Variants in USH2A observed in about 807,000 individuals in gnomAD.
The protein encoded by USH2A is Usher syndrome 2A (autosomal recessive, mild).
Under a neutral mutation model 538.9 loss-of-function variants are expected in USH2A, and 443 were observed. That is an observed-to-expected ratio of 0.82 (90% CI 0.76 to 0.89). The LOEUF (loss-of-function observed/expected upper bound fraction) is 0.89, where lower values mean the gene tolerates loss of function less well. Ranked by LOEUF, USH2A falls within the 40% of genes least tolerant of loss-of-function variation. USH2A has a pLI of 0.00. For synonymous variants in USH2A, 2,413 were observed against 2,273.5 expected (o/e 1.06, Z -1.75); for missense variants, 6,633 against 6,324.8 (o/e 1.05, Z -1.65).
chr1:215,995,906 G>A (rs1668123686), intron 34 of USH2A, among the ~76,000 whole-genome samples: 2 of 151,960 alleles, frequency 1.3e-5, no homozygotes, highest in African/African-American at 4.8e-5. Flanking sequence ...TCCAAAACTA[G>A]CATTCTCTTT....
chr1:216,029,491 T>A (rs1669041175), intron 32 of USH2A, among the ~76,000 whole-genome samples: 1 of 152,056 alleles, frequency 6.6e-6, no homozygotes, highest in Non-Finnish European at 1.5e-5. Flanking sequence ...TATGTGTGTG[T>A]ATAGCCAGAA....
chr1:215,788,453 C>T (rs563448358), intron 51 of USH2A, among the ~76,000 whole-genome samples: 19 of 152,080 alleles, frequency 1.2e-4, no homozygotes, highest in South Asian at 2.1e-4. Context: ...TAAGGGGCTT[C>T]GGTTCTAGAG....
At chr1:216,129,677 T>C (rs1225739890) in intron 21 of USH2A, among the ~76,000 whole-genome samples, 2 of 151,984 alleles carry the variant, frequency 1.3e-5, no homozygotes, top group African/African-American at 4.8e-5. Flanking sequence ...GAAATACTAA[T>C]GAAGTTCTTT....
intron 54 of USH2A, among the ~76,000 whole-genome samples, chr1:215,780,451 GC>G (rs1661600002): frequency 6.6e-6 from 1 of 152,148 alleles, no homozygotes; most frequent in Non-Finnish European, 1.5e-5. Flanking sequence ...TGGAGCAAAA[GC>G]CACATCTGAA....
rs1259115799 is a variant in USH2A, at chr1:215,888,776, C to A, written c.7873G>T (p.Glu2625Ter). The change falls in exon 41 of 72, where the codon GAA (glutamate) becomes TAA (stop). Residue 2625 changes from glutamate to a stop codon, truncating the protein, a stop_gained. Coordinates refer to ENST00000307340, the MANE Select transcript of USH2A (RefSeq NM_206933.4). LOFTEE classifies it high-confidence loss of function. ...QTVWTLPGAP[E>*]GIPSPELFSD... ...AACAGCTCTGGACTTGGGATCCCTTCCGGTGCCCCTGGGAGTGTCCATACA... is the reference window on the plus strand; with the variant it reads ...AACAGCTCTGGACTTGGGATCCCTTACGGTGCCCCTGGGAGTGTCCATACA... The A allele has an allele frequency of 6.2e-7, 1 of 1,614,088 alleles. No homozygotes were observed. Among genetic ancestry groups the A allele is most frequent in the Non-Finnish European group, 8.5e-7 (1 of 1,180,004 alleles).
intron 3 of USH2A, among the ~76,000 whole-genome samples, chr1:216,405,284 A>G (rs573238580): frequency 6.6e-6 from 1 of 152,388 alleles, no homozygotes; most frequent in Non-Finnish European, 1.5e-5. Context: ...GGAAAGATTG[A>G]TAAATTGGAC....
intron 11 of USH2A, among the ~76,000 whole-genome samples, chr1:216,273,826 A>C (rs898628116): frequency 1.2e-3 from 185 of 151,878 alleles, no homozygotes; most frequent in Admixed American, 2.4e-3. Flanking sequence ...AAAAAAAAAA[A>C]AACAAACCAG....
At chr1:216,029,654 T>C (rs1350752802) in intron 32 of USH2A, among the ~76,000 whole-genome samples, 3 of 151,908 alleles carry the variant, frequency 2.0e-5, no homozygotes, top group African/African-American at 7.2e-5. Context: ...CCAGGATATA[T>C]AGGGTCATTG....
chr1:215,890,557 A>T (rs1457136200), intron 40 of USH2A, among the ~76,000 whole-genome samples: 1 of 152,166 alleles, frequency 6.6e-6, no homozygotes, highest in Admixed American at 6.6e-5. Flanking sequence ...ATTTGAAGAG[A>T]AATCCCTAAA....
rs138503129 is a variant in USH2A at position 216,401,857 on chromosome 1, G to T, written c.651+16657C>A. ...ATAAGCCCACAATTAAATCAGGGAC[G>T]TCAACAGCAAACTCTCAGCAATTGA... On this transcript the variant is annotated intron_variant, in intron 3 of 71. Coordinates refer to ENST00000307340, the MANE Select transcript of USH2A (RefSeq NM_206933.4). 8.4e-4 allele frequency among the ~76,000 whole-genome samples: 128 copies of T among 152,164 alleles called. 1 individual carries two copies. The highest frequency in any genetic ancestry group is 1.4e-3 in the Non-Finnish European group (93 of 67,924).
intron 41 of USH2A, among the ~76,000 whole-genome samples, chr1:215,882,684 T>C (rs1664945541): frequency 6.6e-6 from 1 of 152,132 alleles, no homozygotes; most frequent in Admixed American, 6.5e-5. Context: ...TCTCTCTTTC[T>C]CTTTTATTTT....
At chr1:216,314,730 A>G (rs1217974390) in intron 9 of USH2A, among the ~76,000 whole-genome samples, 2 of 152,222 alleles carry the variant, frequency 1.3e-5, no homozygotes, top group Non-Finnish European at 1.5e-5. Flanking sequence ...AATGCTAACA[A>G]AAATTTATAC....
At chr1:216,192,715 TA>T (rs1011697329) in intron 19 of USH2A, among the ~76,000 whole-genome samples, 1 of 151,492 alleles carries the variant, frequency 6.6e-6, no homozygotes, top group African/African-American at 2.4e-5. Context: ...GAAATAAAAA[TA>T]AAAAAGAGAA....
At chr1:216,279,583 C>A (rs972989131) in intron 11 of USH2A, among the ~76,000 whole-genome samples, 1 of 152,046 alleles carries the variant, frequency 6.6e-6, no homozygotes, top group Non-Finnish European at 1.5e-5. Context: ...GAGCCCCAAC[C>A]CCAAACTTCC....
At chr1:216,160,624 C>T (rs899159178) in intron 21 of USH2A, among the ~76,000 whole-genome samples, 9 of 151,920 alleles carry the variant, frequency 5.9e-5, no homozygotes, top group South Asian at 2.1e-4. Context: ...AAAAATTATG[C>T]GATTTCTATA....
intron 4 of USH2A, among the ~76,000 whole-genome samples, chr1:216,363,964 C>T (rs1378153426): frequency 6.6e-6 from 1 of 151,346 alleles, no homozygotes; most frequent in Non-Finnish European, 1.5e-5. Flanking sequence ...ATATCTATCT[C>T]TGAAGATAGA....
At chr1:215,970,909 G>T in intron 35 of USH2A, 133 bp from the exon 36 acceptor site, 1 of 914,046 alleles carries the variant, frequency 1.1e-6, no homozygotes, top group Non-Finnish European at 1.8e-6. Flanking sequence ...ATTTCTCCTT[G>T]TCTAAACTCT....
chr1:216,064,300 C>T (rs763815308), intron 30 of USH2A, among the ~76,000 whole-genome samples: 1 of 152,078 alleles, frequency 6.6e-6, no homozygotes, highest in South Asian at 2.1e-4. Flanking sequence ...AGGAATCAGC[C>T]CTGGACAGGC....
At chr1:216,207,978 A>C (rs929254004) in intron 15 of USH2A, among the ~76,000 whole-genome samples, 1 of 150,424 alleles carries the variant, frequency 6.6e-6, no homozygotes, top group African/African-American at 2.5e-5. Context: ...AAACGATTTG[A>C]ATATACTATA....
Sources: allele counts gnomAD v4.1 joint callset (sites outside exome capture counted in the v4.1 genomes callset), GRCh38; gene constraint gnomAD v4.1.1; transcripts MANE v1.5; gene names NCBI Gene and HGNC (gene_info 2026-07-23, HGNC 2026-07-21).